NRXN3: variants seen among roughly 807,000 people sequenced by gnomAD.
NRXN3 encodes neurexin 3.
In NRXN3, 32 loss-of-function variants were observed where a neutral mutation model predicts 137.6. The ratio of observed to expected loss-of-function variants is 0.23; its 90% CI spans 0.18 to 0.31. The LOEUF (loss-of-function observed/expected upper bound fraction) is 0.31, where lower values mean the gene tolerates loss of function less well. Among genes scored for constraint, NRXN3 ranks in the 10% least tolerant of loss-of-function variants. The probability of loss-of-function intolerance (pLI) is 1.00; values close to 1 mark genes in which losing one functional copy is unlikely to be tolerated. For synonymous variants in NRXN3, 798 were observed against 784.5 expected, an observed-to-expected ratio of 1.02 and a Z score of -0.29; for missense variants, 1,574 against 2,062.5, an observed-to-expected ratio of 0.76 and a Z score of 4.59.
At chr14:78,213,826 G>A (rs74063998) in intron 1 of NRXN3, among the ~76,000 whole-genome samples, 2,244 of 152,266 alleles carry the variant, frequency 0.015, 68 homozygotes, top group African/African-American at 0.052. Context: ...CGAGAGGGGA[G>A]GGAGAGCAAA....
At chr14:79,127,890 A>G (rs1596273114) in intron 15 of NRXN3, among the ~76,000 whole-genome samples, 1 of 151,198 alleles carries the variant, frequency 6.6e-6, no homozygotes, top group Non-Finnish European at 1.5e-5. Context: ...GAGGTCCTTC[A>G]CATCCCTTGT....
At chr14:79,486,697 G>T (rs1313212390) in intron 16 of NRXN3, among the ~76,000 whole-genome samples, 1 of 152,168 alleles carries the variant, frequency 6.6e-6, no homozygotes, top group Admixed American at 6.5e-5. Context: ...GGTGTAAAAT[G>T]CCAGCCTTCT....
At chr14:79,359,636 T>C (rs1348963186) in intron 15 of NRXN3, among the ~76,000 whole-genome samples, 1 of 150,636 alleles carries the variant, frequency 6.6e-6, no homozygotes, top group Admixed American at 6.7e-5. Context: ...AGTGGCGTGA[T>C]CTTGGCTCAC....
At chr14:79,657,239 A>G (rs1225544930) in intron 16 of NRXN3, among the ~76,000 whole-genome samples, 1 of 152,196 alleles carries the variant, frequency 6.6e-6, no homozygotes, top group South Asian at 2.1e-4. Context: ...TCAAGATCAC[A>G]TGGAAAAAAT....
chr14:79,192,038 G>A (rs1405003196), intron 15 of NRXN3, among the ~76,000 whole-genome samples: 3 of 151,950 alleles, frequency 2.0e-5, no homozygotes, highest in African/African-American at 2.4e-5. Flanking sequence ...CAAAGTGCCT[G>A]CCACCACACC....
intron 16 of NRXN3, among the ~76,000 whole-genome samples, chr14:79,589,984 A>G (rs1022769400): frequency 6.6e-6 from 1 of 152,230 alleles, no homozygotes; most frequent in Non-Finnish European, 1.5e-5. Flanking sequence ...AATAGCTTTT[A>G]TTCACCAAAA....
intron 15 of NRXN3, among the ~76,000 whole-genome samples, chr14:79,118,548 A>G (rs1275007215): frequency 6.6e-6 from 1 of 152,174 alleles, no homozygotes; most frequent in Non-Finnish European, 1.5e-5. Flanking sequence ...ATCAACCTCA[A>G]CCCTGAAGTG....
chr14:79,081,477 G>A (rs1456960603), intron 15 of NRXN3, among the ~76,000 whole-genome samples: 5 of 152,068 alleles, frequency 3.3e-5, no homozygotes, highest in African/African-American at 9.7e-5. Context: ...AGCCAGGTGT[G>A]GTGGCATGCA....
At chr14:78,962,833 C>A (rs1323984675) in intron 11 of NRXN3, among the ~76,000 whole-genome samples, 4 of 152,250 alleles carry the variant, frequency 2.6e-5, no homozygotes, top group Middle Eastern at 3.4e-3. Flanking sequence ...TCTGCCTCAG[C>A]CTCCCAAGTA....
At chr14:78,259,102 A>T (rs2070209633) in intron 2 of NRXN3, among the ~76,000 whole-genome samples, 1 of 150,302 alleles carries the variant, frequency 6.7e-6, no homozygotes, top group African/African-American at 2.5e-5. Context: ...ACTGCACTCC[A>T]GCCTGGGCGA....
intron 4 of NRXN3, among the ~76,000 whole-genome samples, chr14:78,320,316 C>T (rs1597290935): frequency 6.6e-6 from 1 of 152,122 alleles, no homozygotes; most frequent in East Asian, 1.9e-4. Context: ...TGTATTTAGG[C>T]AGTGAGAGGA....
chr14:78,226,814 C>A (rs1000258282), intron 1 of NRXN3, among the ~76,000 whole-genome samples: 2 of 152,108 alleles, frequency 1.3e-5, no homozygotes, highest in Non-Finnish European at 2.9e-5. Flanking sequence ...GTAATTGGGG[C>A]TTCTACCTTT....
intron 4 of NRXN3, among the ~76,000 whole-genome samples, chr14:78,430,203 A>G (rs2093824101): frequency 6.6e-6 from 1 of 152,202 alleles, no homozygotes; most frequent in Non-Finnish European, 1.5e-5. Context: ...ACACCACTGC[A>G]CTCTAGCCTG....
chr14:78,552,980 T>C (rs574399393), intron 4 of NRXN3, among the ~76,000 whole-genome samples: 41 of 152,308 alleles, frequency 2.7e-4, no homozygotes, highest in African/African-American at 9.9e-4. Context: ...CTTGAAACTA[T>C]GTACATCTAT....
chr14:78,886,627 C>T (rs1204971974), intron 10 of NRXN3, among the ~76,000 whole-genome samples: 4 of 151,972 alleles, frequency 2.6e-5, no homozygotes, highest in Non-Finnish European at 5.9e-5. Context: ...AAGGAAAAAA[C>T]ATTAATATAA....
At chr14:78,840,064 A>T (rs1371637449) in intron 10 of NRXN3, among the ~76,000 whole-genome samples, 1 of 152,170 alleles carries the variant, frequency 6.6e-6, no homozygotes, top group Non-Finnish European at 1.5e-5. Context: ...CAGAGAGCAA[A>T]ATACCTACCT....
intron 15 of NRXN3, among the ~76,000 whole-genome samples, chr14:79,128,815 T>C (rs1319244023): frequency 6.6e-6 from 1 of 151,820 alleles, no homozygotes; most frequent in Non-Finnish European, 1.5e-5. Flanking sequence ...CCTGGACTCT[T>C]TTTGGTTGGT....
At chr14:79,487,459 A>G (rs952135648) in intron 16 of NRXN3, among the ~76,000 whole-genome samples, 2 of 152,088 alleles carry the variant, frequency 1.3e-5, no homozygotes, top group African/African-American at 2.4e-5. Flanking sequence ...CAGACTCCCA[A>G]TTCAGTGTCT....
chr14:79,266,481 G>A (rs962039309), intron 15 of NRXN3, among the ~76,000 whole-genome samples: 3 of 152,004 alleles, frequency 2.0e-5, no homozygotes, highest in South Asian at 2.1e-4. Flanking sequence ...TTGGAATAAT[G>A]TTTCCAGGAT....
Sources: gnomAD v4.1 joint callset for allele counts (sites outside exome capture counted in the v4.1 genomes callset) on GRCh38, gnomAD v4.1.1 for gene constraint, MANE v1.5 for transcripts, NCBI Gene and HGNC (gene_info 2026-07-23, HGNC 2026-07-21) for gene names.